IQGAP3: variants seen among roughly 807,000 people sequenced by gnomAD.
The protein encoded by IQGAP3 is IQ motif containing GTPase activating protein 3.
A neutral mutation model predicts 208.2 loss-of-function variants in IQGAP3; 165 were observed. The ratio of observed to expected loss-of-function variants is 0.79; its 90% CI spans 0.70 to 0.90. IQGAP3 has a LOEUF of 0.90. IQGAP3 is among the 40% of genes least tolerant of loss of function. The probability of loss-of-function intolerance (pLI) is 0.00; values close to 1 mark genes in which losing one functional copy is unlikely to be tolerated. For missense variants in IQGAP3, 1,811 were observed against 2,043.1 expected (o/e 0.89, Z 2.19); for synonymous variants, 703 against 803.6 (o/e 0.87, Z 2.12).
intron 12 of IQGAP3, among the ~76,000 whole-genome samples, chr1:156,555,866 T>C (rs1346080455): frequency 6.6e-6 from 1 of 152,234 alleles, no homozygotes; most frequent in Non-Finnish European, 1.5e-5. Context: ...TCCTTGTACA[T>C]AGTCATTCCT....
At chr1:156,557,421 G>A (rs1340347030) in intron 11 of IQGAP3, among the ~76,000 whole-genome samples, 2 of 13,370 alleles carry the variant, frequency 1.5e-4, no homozygotes, top group Non-Finnish European at 2.4e-4. Flanking sequence ...CAGCCGCCCC[G>A]TCCGGGAGGG....
chr1:156,545,316 A>C (rs1675188090), intron 19 of IQGAP3, among the ~76,000 whole-genome samples: 2 of 152,080 alleles, frequency 1.3e-5, no homozygotes, highest in South Asian at 4.1e-4. Context: ...ACTATAGACT[A>C]TCCCAGCCTG....
chr1:156,556,714 A>G, intron 11 of IQGAP3, 21 bp from the exon 12 acceptor site: 1 of 1,506,434 alleles, frequency 6.6e-7, no homozygotes, highest in Non-Finnish European at 8.9e-7. Flanking sequence ...GGAGAGCAAC[A>G]GGTTGTACTG....
chr1:156,527,456 T>C (rs1674150777), intron 37 of IQGAP3, among the ~76,000 whole-genome samples: 2 of 152,058 alleles, frequency 1.3e-5, no homozygotes, highest in South Asian at 2.1e-4. Flanking sequence ...CCAGCCTGGG[T>C]GACGGAGTAA....
At chr1:156,543,569 T>C (rs972872120) in intron 22 of IQGAP3, among the ~76,000 whole-genome samples, 1 of 152,208 alleles carries the variant, frequency 6.6e-6, no homozygotes. Flanking sequence ...AGCAGGAAGA[T>C]GGCACTCCCT....
In IQGAP3 at chr1:156,534,087, C is replaced by T. The variant is rs1205582303; in HGVS notation, c.3795G>A (p.Val1265=). ...CAGCCACCATGTCTGAGTACTCGTCCACTGCAAAACGCTCCTCTGGCTCTG... is the reference window on the plus strand; with the variant it reads ...CAGCCACCATGTCTGAGTACTCGTCTACTGCAAAACGCTCCTCTGGCTCTG... The part of the protein sequence containing the change: ...QVPEPEERFA[V]DEYSDMVAVA... Residue 1265 remains valine, a synonymous_variant, in exon 30 of 38, where the codon GTG becomes GTA. Coordinates refer to ENST00000361170, the MANE Select transcript of IQGAP3 (RefSeq NM_178229.5). The T allele has an allele frequency of 1.7e-5, 28 of 1,613,962 alleles. No homozygotes were observed. Among genetic ancestry groups the T allele is most frequent in the Non-Finnish European group, 2.3e-5 (27 of 1,180,032 alleles).
At chr1:156,529,906 G>C (rs1674293857) in intron 34 of IQGAP3, among the ~76,000 whole-genome samples, 199 bp downstream of exon 34, 1 of 98,758 alleles carries the variant, frequency 1.0e-5, no homozygotes, top group African/African-American at 4.8e-5. Context: ...GGATGAGAGT[G>C]AGACTGTCTC....
rs1332351370 is a variant in IQGAP3 at position 156,553,276 on chromosome 1, G to A, written c.1448+959C>T. ...CTCAGAGTAAAAACCAGAGTCCTAC[G>A]TGGTCTGGCCTCGGCTACTTGGTCT... On this transcript the variant is annotated intron_variant, in intron 13 of 37. Coordinates refer to ENST00000361170, the MANE Select transcript of IQGAP3 (RefSeq NM_178229.5). Among the ~76,000 whole-genome samples, 7 of 152,070 alleles carry A rather than the reference G, an allele frequency of 4.6e-5. No individual in the cohort carries two copies. The South Asian group carries it at 6.2e-4, about 13-fold the overall frequency.
rs746822951 is a variant in IQGAP3 at position 156,561,984 on chromosome 1, C to A, written c.895G>T (p.Val299Phe). The change falls in exon 10 of 38, where the codon GTT becomes TTT. Residue 299 changes from valine to phenylalanine, a missense_variant. Physicochemically the swap from Val to Phe is conservative, Grantham distance 50. Transcript: ENST00000361170. ...TGTCTTTCCAGGGCATCATCAACAA[C>A]TTCTAGAGCCCCATGGACTGAAAAA... ...NHVNVHGALE[V>F]VDDALERQSP... 1 of 1,612,310 alleles carries A rather than the reference C, an allele frequency of 6.2e-7. No individual in the cohort carries two copies. The highest frequency in any genetic ancestry group is 8.5e-7 in the Non-Finnish European group (1 of 1,179,272).
intron 2 of IQGAP3, among the ~76,000 whole-genome samples, chr1:156,568,121 A>G (rs1676488627): frequency 6.6e-6 from 1 of 152,248 alleles, no homozygotes; most frequent in Admixed American, 6.5e-5. Flanking sequence ...CATATTTTAG[A>G]TATATGTATT....
At chr1:156,566,255 A>T in intron 3 of IQGAP3, 135 bp downstream of exon 3, 1 of 1,217,938 alleles carries the variant, frequency 8.2e-7, no homozygotes. Flanking sequence ...ACCAGGACAG[A>T]GAAACATAGA....
chr1:156,568,916 C>T (rs1467088190), intron 2 of IQGAP3, among the ~76,000 whole-genome samples: 1 of 152,094 alleles, frequency 6.6e-6, no homozygotes, highest in African/African-American at 2.4e-5. Flanking sequence ...ACCCAGTTTT[C>T]TTCAGCAAGT....
chr1:156,569,528 CTTTTTTT>C (rs34005985), intron 1 of IQGAP3, 65 bp from the exon 2 acceptor site: 2,036 of 138,244 alleles, frequency 0.015, 2 homozygotes, highest in Middle Eastern at 0.054. Flanking sequence ...ACTGAAGGGT[CTTTTTTT>C]TTTTTTTTTT....
intron 37 of IQGAP3, 128 bp downstream of exon 37, chr1:156,527,824 G>A (rs556268029): frequency 1.7e-4 from 111 of 648,102 alleles, no homozygotes; most frequent in East Asian, 1.3e-3. Context: ...AGGAACAGAC[G>A]ATACTGATTG....
chr1:156,569,194 T>C (rs778893648), intron 2 of IQGAP3, among the ~76,000 whole-genome samples, 182 bp downstream of exon 2: 18 of 150,586 alleles, frequency 1.2e-4, no homozygotes, highest in Non-Finnish European at 2.2e-4. Context: ...TTGCGGTATA[T>C]AGTGGGTAAA....
At position 156,526,382 on chromosome 1, in the gene IQGAP3, C is replaced by A; in HGVS notation, c.*104G>T. 1 of 782,552 alleles carries A rather than the reference C, an allele frequency of 1.3e-6. No homozygotes were observed. Among genetic ancestry groups the A allele is most frequent in the Non-Finnish European group, 2.2e-6 (1 of 451,054 alleles). The allele number at this position is 782,552 out of a possible 1,614,324, so 48.5% of individuals were successfully genotyped here. ...GGGGTGAGAATCCCTGGGCCTTGCC[C>A]AGTCCTGAGCTCTAGGTGTCTGCAG... On this transcript the variant is annotated 3_prime_UTR_variant, in exon 38 of 38. Coordinates refer to ENST00000361170, the MANE Select transcript of IQGAP3 (RefSeq NM_178229.5).
chr1:156,571,838 C>A (rs1263732985), intron 1 of IQGAP3, among the ~76,000 whole-genome samples: 4 of 152,130 alleles, frequency 2.6e-5, no homozygotes, highest in African/African-American at 9.7e-5. Context: ...TCAGATAGAA[C>A]CTTTCTGCCC....
chr1:156,550,422 C>T, intron 15 of IQGAP3, 71 bp from the exon 16 acceptor site: 1 of 1,113,856 alleles, frequency 9.0e-7, no homozygotes, highest in Non-Finnish European at 1.3e-6. Flanking sequence ...GCCAAGATGC[C>T]CAAGGGAACC....
chr1:156,537,374 T>C, intron 26 of IQGAP3, 53 bp from the exon 27 acceptor site: 2 of 1,537,194 alleles, frequency 1.3e-6, no homozygotes, highest in Non-Finnish European at 1.8e-6. Flanking sequence ...AATGGCCTCC[T>C]TCCCCAAGGC....
Sources: gnomAD v4.1 joint callset for allele counts (sites outside exome capture counted in the v4.1 genomes callset) on GRCh38, gnomAD v4.1.1 for gene constraint, MANE v1.5 for transcripts, NCBI Gene and HGNC (gene_info 2026-07-23, HGNC 2026-07-21) for gene names.